The following ZNF536 variants were observed in gnomAD, a reference collection of about 807,000 sequenced individuals.
ZNF536 encodes the protein zinc finger protein 536.
Under a neutral mutation model 84.5 loss-of-function variants are expected in ZNF536, and 13 were observed. That is an observed-to-expected ratio of 0.15 (90% CI 0.10 to 0.24). ZNF536 has a LOEUF of 0.24. Among genes scored for constraint, ZNF536 ranks in the 10% least tolerant of loss-of-function variants. The pLI, the probability that ZNF536 is intolerant of heterozygous loss-of-function variation, is 1.00. For synonymous variants in ZNF536, 811 were observed against 742.5 expected, an observed-to-expected ratio of 1.09 and a Z score of -1.50; for missense variants, 1,536 against 1,747.5, an observed-to-expected ratio of 0.88 and a Z score of 2.16.
At chr19:30,691,688 A>G (rs1048863688) in intron 1 of ZNF536, among the ~76,000 whole-genome samples, 3 of 152,116 alleles carry the variant, frequency 2.0e-5, no homozygotes, top group South Asian at 2.1e-4. Flanking sequence ...AATCTAAAAC[A>G]GGCAATCAAG....
intron 1 of ZNF536, among the ~76,000 whole-genome samples, chr19:30,280,316 C>T (rs2045396247): frequency 1.3e-5 from 2 of 151,990 alleles, no homozygotes; most frequent in South Asian, 2.1e-4. Context: ...CTCCTTCTCT[C>T]CTCCCTCTCT....
At chr19:30,492,126 G>A (rs1274617410) in intron 2 of ZNF536, among the ~76,000 whole-genome samples, 2 of 152,068 alleles carry the variant, frequency 1.3e-5, no homozygotes, top group Non-Finnish European at 1.5e-5. Context: ...GATCATGAAG[G>A]GACACAGAAT....
chr19:30,405,330 A>G (rs2050219902), intron 1 of ZNF536, among the ~76,000 whole-genome samples: 1 of 152,240 alleles, frequency 6.6e-6, no homozygotes, highest in Non-Finnish European at 1.5e-5. Flanking sequence ...TAATACTGCC[A>G]ACATTACAAC....
chr19:30,673,725 C>T (rs1286380522), intron 1 of ZNF536, among the ~76,000 whole-genome samples: 1 of 152,208 alleles, frequency 6.6e-6, no homozygotes, highest in Non-Finnish European at 1.5e-5. Context: ...ACATGCGTGC[C>T]CACCACCCCA....
intron 2 of ZNF536, among the ~76,000 whole-genome samples, chr19:30,453,375 G>C (rs192684959): frequency 3.3e-5 from 5 of 152,296 alleles, no homozygotes; most frequent in Admixed American, 6.5e-5. Context: ...AGCCAGGTCT[G>C]GTTTAGGTTT....
At position 30,546,552 on chromosome 19, in the gene ZNF536, G is replaced by A. The variant is rs146340872; in HGVS notation, c.2324-1391G>A. Among the ~76,000 whole-genome samples, 9 of 152,296 alleles carry A rather than the reference G, an allele frequency of 5.9e-5. No individual in the cohort carries two copies. The East Asian group carries it at 1.7e-3, about 29-fold the overall frequency. ...GGCTGGTGGCCCTCTTGCTCACAAA[G>A]TCCACGCCCCCAAATGCCCTGTGCC... On this transcript the variant is annotated intron_variant, in intron 3 of 4. Transcript: ENST00000355537.
chr19:30,635,610 C>G (rs1288442883), intron 1 of ZNF536, among the ~76,000 whole-genome samples: 1 of 152,122 alleles, frequency 6.6e-6, no homozygotes, highest in Non-Finnish European at 1.5e-5. Context: ...TCTGGAGGCC[C>G]CAAGAGCTCC....
At chr19:30,458,672 G>A (rs530417887) in intron 2 of ZNF536, among the ~76,000 whole-genome samples, 6 of 152,036 alleles carry the variant, frequency 3.9e-5, no homozygotes, top group South Asian at 2.1e-4. Context: ...CGATGGTCTC[G>A]AACTTCCAAC....
intron 2 of ZNF536, among the ~76,000 whole-genome samples, chr19:30,507,948 C>A (rs554939304): frequency 6.6e-6 from 1 of 152,120 alleles, no homozygotes; most frequent in Non-Finnish European, 1.5e-5. Flanking sequence ...TTCTTCCCCA[C>A]GAGACTTCAA....
At chr19:30,290,467 T>C (rs1010276979) in intron 2 of ZNF536, among the ~76,000 whole-genome samples, 13 of 152,096 alleles carry the variant, frequency 8.5e-5, no homozygotes, top group Admixed American at 7.2e-4. Context: ...ATATGGGATC[T>C]TTCTATGTTG....
chr19:30,476,389 G>T (rs944320592), intron 2 of ZNF536, among the ~76,000 whole-genome samples: 1 of 152,120 alleles, frequency 6.6e-6, no homozygotes, highest in Admixed American at 6.5e-5. Context: ...TTTTTAAGTA[G>T]GTAAACAATT....
Position 30,557,254 on chromosome 19 carries a change from C to A in ZNF536, c.*90C>A, listed in dbSNP as rs2146375982. ...CTGCAGCTTGTTAATCGTGTAAAGT[C>A]AAGAGAAGAATGTATACACATATGT... On this transcript the variant is annotated 3_prime_UTR_variant, in exon 5 of 5. Transcript: ENST00000355537. 6.9e-7 allele frequency: 1 copy of A among 1,456,116 alleles called. No homozygotes were observed. The highest frequency in any genetic ancestry group is 1.2e-5 in the South Asian group (1 of 86,734). 90.2% of individuals were successfully genotyped at this position (1,456,116 alleles called of 1,614,324 possible). A position where few individuals can be genotyped will look rare whatever the true frequency, so the allele number is the denominator to read the frequency against.
At chr19:30,388,122 G>T (rs1045677633) in intron 1 of ZNF536, among the ~76,000 whole-genome samples, 3 of 152,186 alleles carry the variant, frequency 2.0e-5, no homozygotes, top group African/African-American at 7.2e-5. Flanking sequence ...AACACGAGGG[G>T]AAAAGAAAAG....
At chr19:30,441,240 C>G (rs2052033368) in intron 1 of ZNF536, among the ~76,000 whole-genome samples, 1 of 152,240 alleles carries the variant, frequency 6.6e-6, no homozygotes, top group Non-Finnish European at 1.5e-5. Flanking sequence ...TGGGCCAGCC[C>G]TGTTGGCCTT....
intron 1 of ZNF536, among the ~76,000 whole-genome samples, chr19:30,242,695 G>A (rs186514628): frequency 6.3e-4 from 96 of 152,320 alleles, no homozygotes; most frequent in African/African-American, 2.1e-3. Flanking sequence ...AGAGGGACAG[G>A]TTGGCAGGAA....
chr19:30,659,918 G>A (rs542002471), intron 1 of ZNF536, among the ~76,000 whole-genome samples: 2 of 151,944 alleles, frequency 1.3e-5, no homozygotes, highest in South Asian at 2.1e-4. Flanking sequence ...GTCTGATTAT[G>A]TTCAGTCTTT....
Position 30,390,434 on chromosome 19 carries a change from G to A in ZNF536, c.-3+17878G>A, listed in dbSNP as rs141489756. Among the ~76,000 whole-genome samples, 102 of 152,256 alleles carry A rather than the reference G, an allele frequency of 6.7e-4. 2 individuals carry two copies. The highest frequency in any genetic ancestry group is 2.3e-3 in the African/African-American group (96 of 41,538). The stretch of plus-strand genomic sequence containing the variant: ...GACCAGGGTGGCAGGCAGCTGCAGG[G>A]GAGTTTCAGTGCTAGAAAGTGGAGT... On this transcript the variant is annotated intron_variant, in intron 1 of 4. Coordinates refer to ENST00000355537, the MANE Select transcript of ZNF536 (RefSeq NM_014717.3).
At chr19:30,702,623 G>C (rs2052033806) in intron 1 of ZNF536, among the ~76,000 whole-genome samples, 1 of 152,152 alleles carries the variant, frequency 6.6e-6, no homozygotes, top group Admixed American at 6.5e-5. Context: ...GGTGGATCCT[G>C]TGTGCCTGGC....
intron 1 of ZNF536, among the ~76,000 whole-genome samples, chr19:30,580,824 A>G (rs1599872978): frequency 6.7e-6 from 1 of 150,140 alleles, no homozygotes; most frequent in African/African-American, 2.5e-5. Flanking sequence ...GCTGCTTGGA[A>G]CTCTCCCTGC....
Sources: gnomAD v4.1 joint callset for allele counts (sites outside exome capture counted in the v4.1 genomes callset) on GRCh38, gnomAD v4.1.1 for gene constraint, MANE v1.5 for transcripts, NCBI Gene and HGNC (gene_info 2026-07-23, HGNC 2026-07-21) for gene names.